Variants in CACNA2D1 observed in about 807,000 individuals in gnomAD.
CACNA2D1 encodes calcium voltage-gated channel auxiliary subunit alpha2delta 1, also known as voltage-dependent calcium channel subunit alpha-2/delta-1.
In CACNA2D1, 53 loss-of-function variants were observed where a neutral mutation model predicts 171.5. The observed-to-expected ratio is 0.31, with a 90% CI of 0.25 to 0.39. The LOEUF (loss-of-function observed/expected upper bound fraction) is 0.39. Ranked by LOEUF, CACNA2D1 falls within the 10% of genes least tolerant of loss-of-function variation. The probability of loss-of-function intolerance (pLI) is 1.00; values close to 1 mark genes in which losing one functional copy is unlikely to be tolerated. For missense variants in CACNA2D1, 903 were observed against 1,299.8 expected (o/e 0.69, Z 4.69); for synonymous variants, 442 against 443.1 (o/e 1.00, Z 0.03).
intron 3 of CACNA2D1, among the ~76,000 whole-genome samples, chr7:82,181,893 G>A (rs980772804): frequency 6.6e-6 from 1 of 152,118 alleles, no homozygotes; most frequent in Non-Finnish European, 1.5e-5. Context: ...GACAAAATAT[G>A]TAAAGTGACA....
chr7:81,985,734 G>A (rs1796899394), intron 21 of CACNA2D1, among the ~76,000 whole-genome samples: 1 of 152,090 alleles, frequency 6.6e-6, no homozygotes, highest in Admixed American at 6.5e-5. Flanking sequence ...TTGGAAGATT[G>A]TTATTAGATG....
intron 7 of CACNA2D1, among the ~76,000 whole-genome samples, chr7:82,074,685 C>G (rs1563005166): frequency 6.6e-6 from 1 of 152,182 alleles, no homozygotes; most frequent in Non-Finnish European, 1.5e-5. Flanking sequence ...TCTTCAGAAA[C>G]AGAAGTTCTG....
At position 82,234,725 on chromosome 7, in the gene CACNA2D1, T is replaced by C. The variant is rs967895856; in HGVS notation, c.295-64116A>G. ...AATAAAATCAATCCATTCTCAAAAATTAAGTAAACATAAGAAAACAATTAG... is the reference window on the plus strand; with the variant it reads ...AATAAAATCAATCCATTCTCAAAAACTAAGTAAACATAAGAAAACAATTAG... On this transcript the variant is annotated intron_variant, in intron 3 of 38. Coordinates refer to ENST00000356860, the MANE Select transcript of CACNA2D1 (RefSeq NM_000722.4). Among the ~76,000 whole-genome samples, 45 of 152,126 alleles carry C rather than the reference T, an allele frequency of 3.0e-4. 1 individual carries two copies. The highest frequency in any genetic ancestry group is 4.4e-5 in the Non-Finnish European group (3 of 68,000).
chr7:82,213,147 C>T (rs1045347695), intron 3 of CACNA2D1, among the ~76,000 whole-genome samples: 1 of 152,110 alleles, frequency 6.6e-6, no homozygotes, highest in Non-Finnish European at 1.5e-5. Context: ...GTGATCCACC[C>T]ACCTTGGCCT....
At chr7:82,174,408 A>G (rs1335785198) in intron 3 of CACNA2D1, among the ~76,000 whole-genome samples, 5 of 152,136 alleles carry the variant, frequency 3.3e-5, no homozygotes, top group African/African-American at 1.2e-4. Context: ...TGGATATCAA[A>G]TAAGTATTTA....
rs150748366 is a variant in CACNA2D1, at chr7:82,140,745, G to A, written c.355-4069C>T. 7.5e-3 allele frequency among the ~76,000 whole-genome samples: 1,134 copies of A among 151,928 alleles called. 12 individuals are homozygous for A. Among genetic ancestry groups the A allele is most frequent in the African/African-American group, 0.026 (1,059 of 41,384 alleles). Reference sequence around the variant, plus strand: ...CCGAGGCGGGTGGATCACAAGGTCTGGAGATCGAGACCATCCTGGCCAACA... The same window carrying A: ...CCGAGGCGGGTGGATCACAAGGTCTAGAGATCGAGACCATCCTGGCCAACA... On this transcript the variant is annotated intron_variant, in intron 4 of 38. Coordinates refer to ENST00000356860, the MANE Select transcript of CACNA2D1 (RefSeq NM_000722.4).
chr7:82,137,252 G>A (rs1323745201), intron 4 of CACNA2D1, among the ~76,000 whole-genome samples: 1 of 152,078 alleles, frequency 6.6e-6, no homozygotes, highest in Non-Finnish European at 1.5e-5. Context: ...TGGTGTTCTA[G>A]CAAGAGTAAA....
At chr7:82,356,424 C>T (rs549206270) in intron 1 of CACNA2D1, among the ~76,000 whole-genome samples, 1 of 152,222 alleles carries the variant, frequency 6.6e-6, no homozygotes, top group East Asian at 1.9e-4. Context: ...TCTAATATCA[C>T]CTTTCACAAC....
chr7:82,346,937 T>C (rs1169130752), intron 2 of CACNA2D1, among the ~76,000 whole-genome samples: 1 of 152,216 alleles, frequency 6.6e-6, no homozygotes, highest in Admixed American at 6.5e-5. Flanking sequence ...AATTTAATAG[T>C]TGTGTAACTT....
At chr7:82,354,181 T>C (rs927254626) in intron 1 of CACNA2D1, among the ~76,000 whole-genome samples, 1 of 152,274 alleles carries the variant, frequency 6.6e-6, no homozygotes, top group East Asian at 1.9e-4. Flanking sequence ...TAAAAACATA[T>C]AGTTTTCCAT....
chr7:82,146,744 T>C (rs1358866251), intron 4 of CACNA2D1, among the ~76,000 whole-genome samples: 2 of 150,868 alleles, frequency 1.3e-5, no homozygotes, highest in Non-Finnish European at 2.9e-5. Flanking sequence ...CCCAGCACTC[T>C]GGGAGGCCGA....
At chr7:82,056,425 C>T (rs1308504077) in intron 10 of CACNA2D1, among the ~76,000 whole-genome samples, 5 of 152,038 alleles carry the variant, frequency 3.3e-5, no homozygotes, top group Non-Finnish European at 7.3e-5. Context: ...AGAGAACATT[C>T]GTCACAGAAA....
intron 10 of CACNA2D1, 83 bp downstream of exon 10, chr7:82,060,345 G>A (rs1429287166): frequency 5.6e-6 from 5 of 895,962 alleles, no homozygotes; most frequent in Admixed American, 1.9e-5. Context: ...GCCTCTATAA[G>A]ATAAAAGTAT....
intron 20 of CACNA2D1, 143 bp downstream of exon 20, chr7:81,994,725 T>A (rs1797869470): frequency 5.2e-6 from 3 of 575,326 alleles, no homozygotes; most frequent in Non-Finnish European, 6.2e-6. Context: ...AGCTAAGAAG[T>A]GCTTTAAAAA....
intron 1 of CACNA2D1, among the ~76,000 whole-genome samples, chr7:82,432,765 T>A (rs1829801900): frequency 6.6e-6 from 1 of 152,198 alleles, no homozygotes; most frequent in Non-Finnish European, 1.5e-5. Context: ...ACCACTACTA[T>A]CTGCTTAAAA....
intron 1 of CACNA2D1, among the ~76,000 whole-genome samples, chr7:82,405,968 C>A (rs962234882): frequency 6.6e-6 from 1 of 152,048 alleles, no homozygotes; most frequent in Non-Finnish European, 1.5e-5. Flanking sequence ...TATCCACGTG[C>A]CATGTTGGTG....
intron 5 of CACNA2D1, among the ~76,000 whole-genome samples, chr7:82,120,577 A>C (rs1789602775): frequency 6.8e-6 from 1 of 147,378 alleles, no homozygotes; most frequent in South Asian, 2.1e-4. Context: ...AACACTATGG[A>C]TTAAAAAGTA....
At chr7:81,958,462 CAG>C (rs771948907) in intron 38 of CACNA2D1, among the ~76,000 whole-genome samples, 27 of 151,896 alleles carry the variant, frequency 1.8e-4, no homozygotes, top group South Asian at 2.1e-4. Flanking sequence ...AAGAGGTAGA[CAG>C]AGATTTTTAT....
At chr7:82,440,418 C>G (rs1409598373) in intron 1 of CACNA2D1, among the ~76,000 whole-genome samples, 1 of 151,788 alleles carries the variant, frequency 6.6e-6, no homozygotes, top group Admixed American at 6.5e-5. Context: ...GAAAAACGGA[C>G]AACTACCCTT....
Sources: gnomAD v4.1 joint callset for allele counts (sites outside exome capture counted in the v4.1 genomes callset) on GRCh38, gnomAD v4.1.1 for gene constraint, MANE v1.5 for transcripts, NCBI Gene and HGNC (gene_info 2026-07-23, HGNC 2026-07-21) for gene names.